OTOGL: variants seen among roughly 807,000 people sequenced by gnomAD.
OTOGL encodes otogelin-like protein.
In OTOGL, 285 loss-of-function variants were observed where a neutral mutation model predicts 318.5. The ratio of observed to expected loss-of-function variants is 0.89; its 90% CI spans 0.81 to 0.99. The LOEUF (loss-of-function observed/expected upper bound fraction) is 0.99. OTOGL is among the 50% of genes least tolerant of loss of function. The pLI is 0.00. For missense variants in OTOGL, 2,899 were observed against 2,845.6 expected, an observed-to-expected ratio of 1.02 and a Z score of -0.43; for synonymous variants, 987 against 936.5, an observed-to-expected ratio of 1.05 and a Z score of -0.99.
chr12:80,168,585 G>A (rs1873983187), intron 1 of OTOGL, among the ~76,000 whole-genome samples: 1 of 152,160 alleles, frequency 6.6e-6, no homozygotes, highest in Admixed American at 6.6e-5. Context: ...ATGAAGAAAA[G>A]GCTGTAATAA....
At chr12:80,321,350 T>A (rs1887319989) in intron 34 of OTOGL, among the ~76,000 whole-genome samples, 1 of 152,196 alleles carries the variant, frequency 6.6e-6, no homozygotes, top group African/African-American at 2.4e-5. Flanking sequence ...TTCATCCTTG[T>A]GAACCCTCCT....
At chr12:80,368,025 C>T (rs907483015) in intron 54 of OTOGL, among the ~76,000 whole-genome samples, 180 bp from the exon 55 acceptor site, 2 of 152,092 alleles carry the variant, frequency 1.3e-5, no homozygotes, top group African/African-American at 4.8e-5. Context: ...TAACATCTAT[C>T]TCACTTCTAA....
At position 80,377,974 on chromosome 12, in the gene OTOGL, T is replaced by G. The variant is rs1299111054; in HGVS notation, c.6988T>G (p.Tyr2330Asp). Residue 2330 changes from tyrosine (Y) to aspartate (D), a missense_variant, in exon 59 of 59, where the codon TAT (tyrosine) becomes GAT (aspartate). Coordinates refer to ENST00000547103, the MANE Select transcript of OTOGL (RefSeq NM_001378609.3). ...AGTACGAAACTTGTCTGTGCCTCTG[T>G]ATTGCTCAGGAAATGGCACTGAAAT... is the stretch of plus-strand genomic sequence containing the variant. Reference protein sequence around the residue: ...NGVRNLSVPLYCSGNGTEIMY... With the variant: ...NGVRNLSVPLDCSGNGTEIMY... The G allele has an allele frequency of 6.2e-7, 1 of 1,606,110 alleles. No individual in the cohort carries two copies. The highest frequency in any genetic ancestry group is 1.7e-5 in the Admixed American group (1 of 58,996).
At chr12:80,166,293 C>T (rs775572212) in intron 1 of OTOGL, among the ~76,000 whole-genome samples, 5 of 151,398 alleles carry the variant, frequency 3.3e-5, no homozygotes, top group African/African-American at 4.9e-5. Context: ...AATATACATA[C>T]ACACATGCAT....
chr12:80,310,611 T>G lies in OTOGL; in HGVS notation c.3334T>G (p.Cys1112Gly). ...TTTCTCTCTTAAATTTTTTCAACAG[T>G]GTGAAAGTCCAGATGAAACAATTAA... is the stretch of plus-strand genomic sequence containing the variant. ...VFGDSWALGQ[C>G]ESPDETIKPC... Residue 1112 changes from cysteine to glycine, a missense_variant and splice_region_variant, in exon 30 of 59, where the codon TGT (cysteine) becomes GGT (glycine). This residue lies in a region of OTOGL where 2,607 missense variants were observed against 2,524.9 expected (regional missense o/e 1.03). Transcript: ENST00000547103. 4 of 1,574,780 alleles carry G rather than the reference T, an allele frequency of 2.5e-6. No homozygotes were observed. The highest frequency in any genetic ancestry group is 3.5e-6 in the Non-Finnish European group (4 of 1,159,134).
chr12:80,139,417 A>G (rs1871784522), intron 1 of OTOGL, among the ~76,000 whole-genome samples: 1 of 152,156 alleles, frequency 6.6e-6, no homozygotes, highest in Non-Finnish European at 1.5e-5. Flanking sequence ...TCCCAGTTAC[A>G]ACGTTCAGTG....
chr12:80,208,136 C>A (rs1392857496), intron 1 of OTOGL: 1 of 485,562 alleles, frequency 2.1e-6, no homozygotes, highest in East Asian at 5.8e-5. Flanking sequence ...GATGTATTTT[C>A]ATGCTTAAGC....
At chr12:80,158,597 G>A (rs1197203857) in intron 1 of OTOGL, among the ~76,000 whole-genome samples, 1 of 151,956 alleles carries the variant, frequency 6.6e-6, no homozygotes, top group Non-Finnish European at 1.5e-5. Flanking sequence ...ATAAGCTTTT[G>A]TAAAATGGGT....
chr12:80,138,940 T>C (rs1438334563), intron 1 of OTOGL, among the ~76,000 whole-genome samples: 1 of 152,184 alleles, frequency 6.6e-6, no homozygotes, highest in Non-Finnish European at 1.5e-5. Flanking sequence ...ATTTAGACTA[T>C]CTTTCTCACC....
At chr12:80,267,178 G>T in intron 21 of OTOGL, 75 bp from the exon 22 acceptor site, 1 of 881,678 alleles carries the variant, frequency 1.1e-6, no homozygotes, top group Non-Finnish European at 1.7e-6. Context: ...CCAATGGAGA[G>T]CACAAGGTCA....
intron 27 of OTOGL, among the ~76,000 whole-genome samples, chr12:80,301,571 C>A (rs1248441009): frequency 3.9e-5 from 6 of 152,184 alleles, no homozygotes; most frequent in Non-Finnish European, 8.8e-5. Flanking sequence ...GTCCCTAAGT[C>A]TTGATTCAAG....
At chr12:80,146,360 T>G (rs1428740463) in intron 1 of OTOGL, among the ~76,000 whole-genome samples, 18 of 148,984 alleles carry the variant, frequency 1.2e-4, no homozygotes, top group African/African-American at 4.4e-4. Flanking sequence ...TGGATTACAT[T>G]TATTGATTTG....
rs760391874 is a variant in OTOGL, at chr12:80,342,094, A to G, written c.5197A>G (p.Thr1733Ala). The change falls in exon 44 of 59, where the codon ACT (threonine) becomes GCT (alanine). Residue 1733 changes from threonine to alanine, a missense_variant. Around this residue, in one of 3 missense-constraint regions of OTOGL, gnomAD observed 2,607 missense variants for 2,524.9 expected, o/e 1.03. Coordinates refer to ENST00000547103, the MANE Select transcript of OTOGL (RefSeq NM_001378609.3). ...VTMRRPVRNC[T>A]EHDCSQCIDL... ...AATGAGAAGACCTGTTAGGAATTGT[A>G]CTGAGCATGATTGCAGCCAGTGCAT... is the stretch of plus-strand genomic sequence containing the variant. The G allele has an allele frequency of 6.2e-6, 10 of 1,606,282 alleles. No individual in the cohort carries two copies. The Admixed American group carries it at 1.2e-4, about 19-fold the overall frequency.
At chr12:80,177,123 G>A (rs1018988136) in intron 1 of OTOGL, among the ~76,000 whole-genome samples, 2 of 152,036 alleles carry the variant, frequency 1.3e-5, no homozygotes, top group Admixed American at 6.6e-5. Context: ...TCCTCTCAAT[G>A]TTAAAGAGTA....
chr12:80,305,582 C>G lies in OTOGL; in HGVS notation c.3220C>G (p.Leu1074Val), dbSNP rs1312031550. 6.4e-7 allele frequency: 1 copy of G among 1,551,786 alleles called. No homozygotes were observed. The highest frequency in any genetic ancestry group is 1.4e-5 in the African/African-American group (1 of 73,134). ...TGATTTTCTCTTACTTTAGAACAAG[C>G]TATCAGGATTGTGTGGAAACTTTGA... is the stretch of plus-strand genomic sequence containing the variant. Reference protein sequence around the residue: ...IKVGPQWKNKLSGLCGNFDKC... With the variant: ...IKVGPQWKNKVSGLCGNFDKC... Residue 1074 changes from leucine (L) to valine (V), a missense_variant, in exon 29 of 59, where the codon CTA becomes GTA. Around this residue, in one of 3 missense-constraint regions of OTOGL, gnomAD observed 2,607 missense variants for 2,524.9 expected, o/e 1.03. Coordinates refer to ENST00000547103, the MANE Select transcript of OTOGL (RefSeq NM_001378609.3).
chr12:80,173,558 G>T (rs796267052), intron 1 of OTOGL, among the ~76,000 whole-genome samples: 1 of 152,140 alleles, frequency 6.6e-6, no homozygotes, highest in African/African-American at 2.4e-5. Context: ...TTTTGGCCAG[G>T]TTCTTTACCT....
intron 1 of OTOGL, chr12:80,103,437 T>A: frequency 1.6e-6 from 1 of 621,324 alleles, no homozygotes; most frequent in Non-Finnish European, 2.8e-6. Flanking sequence ...TATGCCAGAA[T>A]GTTGTCCCTT....
chr12:80,173,497 G>A (rs962138830), intron 1 of OTOGL, among the ~76,000 whole-genome samples: 1 of 152,154 alleles, frequency 6.6e-6, no homozygotes, highest in Non-Finnish European at 1.5e-5. Context: ...CTTATAATGA[G>A]CAGTGAGGAT....
intron 2 of OTOGL, among the ~76,000 whole-genome samples, chr12:80,210,076 G>T (rs1404167263): frequency 6.6e-6 from 1 of 151,728 alleles, no homozygotes; most frequent in African/African-American, 2.4e-5. Flanking sequence ...CTTGCTATTT[G>T]ATTTTTTTTA....
Sources: gnomAD v4.1 joint callset for allele counts (sites outside exome capture counted in the v4.1 genomes callset) on GRCh38, gnomAD v4.1.1 for gene constraint, gnomAD v4.1.1 regional missense constraint, MANE v1.5 for transcripts, NCBI Gene and HGNC (gene_info 2026-07-23, HGNC 2026-07-21) for gene names.